Variants in CAMK2D observed in about 807,000 individuals in gnomAD.
The protein encoded by CAMK2D is calcium/calmodulin-dependent protein kinase type II subunit delta.
In CAMK2D, 37 loss-of-function variants were observed where a neutral mutation model predicts 84.0. That is an observed-to-expected ratio of 0.44 (90% confidence interval 0.34 to 0.58). The LOEUF is 0.58. Among genes scored for constraint, CAMK2D ranks in the 20% least tolerant of loss-of-function variants. CAMK2D has a pLI of 0.02. For missense variants in CAMK2D, 448 were observed against 652.5 expected (o/e 0.69, Z 3.41); for synonymous variants, 202 against 212.5 (o/e 0.95, Z 0.43).
At chr4:113,642,373 A>C (rs1303084256) in intron 3 of CAMK2D, among the ~76,000 whole-genome samples, 2 of 152,210 alleles carry the variant, frequency 1.3e-5, no homozygotes, top group African/African-American at 4.8e-5. Context: ...AAAGTGAAAA[A>C]TTGAGGGACA....
At chr4:113,526,981 T>C (rs2098423230) in intron 8 of CAMK2D, among the ~76,000 whole-genome samples, 2 of 151,892 alleles carry the variant, frequency 1.3e-5, no homozygotes, top group Admixed American at 6.6e-5. Flanking sequence ...TAACCCTGCA[T>C]TGAGAAAGTC....
chr4:113,640,298 A>G (rs2099127305), intron 3 of CAMK2D, among the ~76,000 whole-genome samples: 1 of 152,214 alleles, frequency 6.6e-6, no homozygotes, highest in South Asian at 2.1e-4. Flanking sequence ...TTACTAATAT[A>G]TGAATGAAAT....
In CAMK2D at chr4:113,510,649, C is replaced by CTT. The variant is rs10679281; in HGVS notation, c.947-976_947-975dup. Among the ~76,000 whole-genome samples the CTT allele has an allele frequency of 6.6e-3, 1,000 of 152,152 alleles. 10 individuals are homozygous for CTT. The highest frequency in any genetic ancestry group is 0.023 in the African/African-American group (955 of 41,536). ...ACAAATATGCAGGACATGATACACA[C>CTT]TTATGCTTTCATTTAATATTAATTA... On this transcript the variant is annotated intron_variant, in intron 12 of 20. Transcript: ENST00000511664.
intron 2 of CAMK2D, among the ~76,000 whole-genome samples, chr4:113,713,888 T>TG (rs1035566776): frequency 3.3e-5 from 5 of 150,974 alleles, no homozygotes; most frequent in African/African-American, 7.3e-5. Context: ...ACTTTTTTTT[T>TG]GGGGGGGTGC....
At chr4:113,723,371 T>A (rs1338078880) in intron 2 of CAMK2D, among the ~76,000 whole-genome samples, 2 of 151,988 alleles carry the variant, frequency 1.3e-5, no homozygotes, top group African/African-American at 4.8e-5. Flanking sequence ...AATACAGGCG[T>A]GTGCCACCAT....
chr4:113,702,869 A>G (rs914837504), intron 2 of CAMK2D, among the ~76,000 whole-genome samples: 4 of 152,194 alleles, frequency 2.6e-5, no homozygotes, highest in East Asian at 1.9e-4. Context: ...ACTGAATACC[A>G]TCCTGGGTGA....
At chr4:113,589,229 T>C (rs2098847718) in intron 4 of CAMK2D, among the ~76,000 whole-genome samples, 1 of 152,088 alleles carries the variant, frequency 6.6e-6, no homozygotes, top group African/African-American at 2.4e-5. Context: ...GGCTACTGTG[T>C]TGAGAGAAGA....
chr4:113,531,403 G>A lies in CAMK2D; in HGVS notation c.518-104C>T, dbSNP rs553525613. The A allele has an allele frequency of 2.5e-5, 17 of 693,312 alleles. No individual in the cohort carries two copies. The East Asian group carries it at 4.1e-4, about 17-fold the overall frequency. The allele number at this position is 693,312 out of a possible 1,614,324, so 42.9% of individuals were successfully genotyped here. ...CGGGGGCTTCTTTATCTGATTATAT[G>A]TTTTTCAAAACACAACAAGGTTCTC... On this transcript the variant is annotated intron_variant, in intron 7 of 20. Transcript: ENST00000511664.
At chr4:113,591,621 TAAAAC>T (rs2098885014) in intron 4 of CAMK2D, among the ~76,000 whole-genome samples, 1 of 152,210 alleles carries the variant, frequency 6.6e-6, no homozygotes, top group South Asian at 2.1e-4. Context: ...GCAAGGATGG[TAAAAC>T]TGGAAGTTGC....
At chr4:113,612,257 T>A (rs1307176200) in intron 3 of CAMK2D, among the ~76,000 whole-genome samples, 1 of 152,220 alleles carries the variant, frequency 6.6e-6, no homozygotes, top group Non-Finnish European at 1.5e-5. Flanking sequence ...GTTGTAGACA[T>A]CATCTATTTC....
chr4:113,558,791 G>A (rs2098683625), intron 4 of CAMK2D, among the ~76,000 whole-genome samples: 1 of 148,748 alleles, frequency 6.7e-6, no homozygotes, highest in Non-Finnish European at 1.5e-5. Flanking sequence ...AGGACTGCTT[G>A]AGCCTAGGAG....
At chr4:113,546,163 G>A (rs2098568490) in intron 6 of CAMK2D, among the ~76,000 whole-genome samples, 1 of 152,088 alleles carries the variant, frequency 6.6e-6, no homozygotes, top group Non-Finnish European at 1.5e-5. Flanking sequence ...TAAATTTATA[G>A]AAGTGTCTGA....
chr4:113,524,771 C>T (rs765837351), intron 8 of CAMK2D, among the ~76,000 whole-genome samples: 1 of 152,098 alleles, frequency 6.6e-6, no homozygotes, highest in Non-Finnish European at 1.5e-5. Flanking sequence ...GTTTGTGTTT[C>T]AGAGTTTGAA....
At chr4:113,506,850 C>T (rs1225368130) in intron 13 of CAMK2D, among the ~76,000 whole-genome samples, 1 of 152,068 alleles carries the variant, frequency 6.6e-6, no homozygotes, top group Non-Finnish European at 1.5e-5. Context: ...GTCCCACTTG[C>T]ACACCTGTGC....
intron 16 of CAMK2D, among the ~76,000 whole-genome samples, chr4:113,478,961 T>A (rs183909638): frequency 1.3e-5 from 2 of 152,256 alleles, no homozygotes; most frequent in African/African-American, 4.8e-5. Context: ...AAATCCAAAT[T>A]CTCTCCATAA....
chr4:113,465,529 G>A lies in CAMK2D; in HGVS notation c.1211C>T (p.Thr404Ile), dbSNP rs564198114. 11 of 1,594,486 alleles carry A rather than the reference G, an allele frequency of 6.9e-6. No homozygotes were observed. The highest frequency in any genetic ancestry group is 6.7e-5 in the East Asian group (3 of 44,748). ...AINNGDFEAY[T>I]KICDPGLTAF... ...AGCAAAGTAAACGTCCGCTACTCAC[G>A]TGTAGGCTTCAAAGTCCCCATTGTT... The change falls in exon 17 of 21, where the codon ACA becomes ATA. Residue 404 changes from threonine to isoleucine, a missense_variant and splice_region_variant. Coordinates refer to ENST00000511664, the MANE Select transcript of CAMK2D (RefSeq NM_001321571.2).
At chr4:113,534,165 C>G (rs2154185294) in intron 7 of CAMK2D, among the ~76,000 whole-genome samples, 1 of 152,084 alleles carries the variant, frequency 6.6e-6, no homozygotes, top group Non-Finnish European at 1.5e-5. Context: ...ATATATGGGA[C>G]TATAATGGCA....
chr4:113,683,725 C>T (rs1288402976), intron 2 of CAMK2D, among the ~76,000 whole-genome samples: 1 of 152,162 alleles, frequency 6.6e-6, no homozygotes, highest in African/African-American at 2.4e-5. Context: ...GTTTGATATA[C>T]TTGTCTGTGG....
At chr4:113,651,349 G>A (rs1393030672) in intron 3 of CAMK2D, among the ~76,000 whole-genome samples, 1 of 152,038 alleles carries the variant, frequency 6.6e-6, no homozygotes, top group South Asian at 2.1e-4. Flanking sequence ...TCTACCTATG[G>A]AGCATTTTTA....
Sources: gnomAD v4.1 joint callset for allele counts (sites outside exome capture counted in the v4.1 genomes callset) on GRCh38, gnomAD v4.1.1 for gene constraint, MANE v1.5 for transcripts, NCBI Gene and HGNC (gene_info 2026-07-23, HGNC 2026-07-21) for gene names.